The following LRP1B variants were observed in gnomAD, a reference collection of about 807,000 sequenced individuals.
LRP1B encodes the protein low-density lipoprotein receptor-related protein 1B.
A neutral mutation model predicts 556.6 loss-of-function variants in LRP1B; 217 were observed. The ratio of observed to expected loss-of-function variants is 0.39; its 90% confidence interval spans 0.35 to 0.44. LRP1B has a LOEUF of 0.44. Among genes scored for constraint, LRP1B ranks in the 20% least tolerant of loss-of-function variants. The probability of loss-of-function intolerance (pLI) is 1.00; values close to 1 mark genes in which losing one functional copy is unlikely to be tolerated. For synonymous variants in LRP1B, 2,047 were observed against 1,865.8 expected (o/e 1.10, Z -2.50); for missense variants, 5,053 against 5,620.8 (o/e 0.90, Z 3.23).
At chr2:141,682,421 A>G (rs1691138617) in intron 2 of LRP1B, among the ~76,000 whole-genome samples, 2 of 152,078 alleles carry the variant, frequency 1.3e-5, no homozygotes, top group Admixed American at 1.3e-4. Flanking sequence ...TAATACTAAC[A>G]ATTGGCCTGA....
At chr2:142,060,367 C>A (rs1704860827) in intron 1 of LRP1B, among the ~76,000 whole-genome samples, 1 of 151,978 alleles carries the variant, frequency 6.6e-6, no homozygotes, top group Non-Finnish European at 1.5e-5. Flanking sequence ...AGGTTAAATG[C>A]AAGAACCTCA....
chr2:141,810,080 T>C (rs1419342959), intron 2 of LRP1B, among the ~76,000 whole-genome samples, 199 bp downstream of exon 2: 4 of 135,840 alleles, frequency 2.9e-5, no homozygotes. Context: ...TTCAAGTTTC[T>C]TAGGCTATTT....
chr2:140,635,046 T>C (rs1241810095), intron 41 of LRP1B, among the ~76,000 whole-genome samples: 28 of 152,116 alleles, frequency 1.8e-4, no homozygotes, highest in Admixed American at 1.8e-3. Flanking sequence ...GTATGAGATA[T>C]ATGAAGCCTC....
intron 1 of LRP1B, among the ~76,000 whole-genome samples, chr2:141,957,383 T>TG (rs70994470): frequency 1.0e-4 from 6 of 58,468 alleles, no homozygotes; most frequent in African/African-American, 4.2e-4. Flanking sequence ...TTTGTGTGTG[T>TG]GGGGGGGGGG....
chr2:140,340,779 G>A (rs1681350823), intron 77 of LRP1B, among the ~76,000 whole-genome samples: 1 of 151,156 alleles, frequency 6.6e-6, no homozygotes, highest in African/African-American at 2.4e-5. Flanking sequence ...ATCGAAACCA[G>A]GCTAACATTC....
At chr2:140,689,697 G>A (rs977707186) in intron 41 of LRP1B, among the ~76,000 whole-genome samples, 1 of 152,156 alleles carries the variant, frequency 6.6e-6, no homozygotes, top group African/African-American at 2.4e-5. Flanking sequence ...GGATGTGTCA[G>A]TTTTCCAGTT....
intron 15 of LRP1B, among the ~76,000 whole-genome samples, chr2:141,002,569 T>TAGAAATAATACCTAATACCTAGAA (rs1361897464): frequency 6.6e-5 from 10 of 152,056 alleles, no homozygotes; most frequent in African/African-American, 2.4e-4. Context: ...CTAGATGACT[T>TAGAAATAATACCTAATACCTAGAA]ATAATACCTA....
intron 1 of LRP1B, among the ~76,000 whole-genome samples, chr2:141,896,600 C>T (rs991287424): frequency 4.6e-5 from 7 of 151,894 alleles, no homozygotes; most frequent in African/African-American, 1.2e-4. Flanking sequence ...AAGTCCACAT[C>T]GATTAAGATG....
intron 84 of LRP1B, among the ~76,000 whole-genome samples, chr2:140,290,661 A>G (rs1344701278): frequency 6.6e-6 from 1 of 152,090 alleles, no homozygotes; most frequent in Non-Finnish European, 1.5e-5. Context: ...GATCATTTTA[A>G]AAGTACTTTG....
At chr2:141,883,902 T>C (rs1699031611) in intron 1 of LRP1B, among the ~76,000 whole-genome samples, 1 of 152,152 alleles carries the variant, frequency 6.6e-6, no homozygotes, top group Admixed American at 6.5e-5. Flanking sequence ...TCCTACCAAA[T>C]CCAAGTTGAT....
chr2:142,079,320 C>A (rs1705626495), intron 1 of LRP1B, among the ~76,000 whole-genome samples: 1 of 151,908 alleles, frequency 6.6e-6, no homozygotes, highest in Admixed American at 6.6e-5. Context: ...TTCTCAATAG[C>A]CTTATGTAAT....
chr2:141,790,556 G>A (rs1008939497), intron 2 of LRP1B, among the ~76,000 whole-genome samples: 8 of 151,626 alleles, frequency 5.3e-5, no homozygotes, highest in African/African-American at 1.7e-4. Flanking sequence ...TTATGTAGTG[G>A]GAATCACCAT....
chr2:141,163,300 G>A (rs759311864), intron 7 of LRP1B, among the ~76,000 whole-genome samples: 21 of 151,922 alleles, frequency 1.4e-4, no homozygotes, highest in Admixed American at 4.6e-4. Context: ...CTTTTTTTCT[G>A]TCAAACAATT....
chr2:141,510,909 C>CACACACACA lies in LRP1B; in HGVS notation c.206-30377_206-30376insTGTGTGTGT, dbSNP rs70994436. 6.1e-3 allele frequency among the ~76,000 whole-genome samples: 842 copies of CACACACACA among 138,998 alleles called. 4 individuals carry two copies. The highest frequency in any genetic ancestry group is 0.011 in the Middle Eastern group (3 of 268). 91.2% of individuals were successfully genotyped at this position (138,998 alleles called of 152,430 possible). A position where few individuals can be genotyped will look rare whatever the true frequency, so the allele number is the denominator to read the frequency against. The stretch of plus-strand genomic sequence containing the variant: ...ACACACACACACACACACACACACA[C>CACACACACA]CCCACACAAACATACACACAAGCTC... On this transcript the variant is annotated intron_variant, in intron 2 of 90. Coordinates refer to ENST00000389484, the MANE Select transcript of LRP1B (RefSeq NM_018557.3).
intron 2 of LRP1B, among the ~76,000 whole-genome samples, chr2:141,630,643 G>A (rs1558766284): frequency 6.6e-6 from 1 of 152,166 alleles, no homozygotes; most frequent in Non-Finnish European, 1.5e-5. Flanking sequence ...TCGATGGTTT[G>A]ACTTCTCAAA....
At chr2:140,403,525 C>A (rs186509942) in intron 66 of LRP1B, among the ~76,000 whole-genome samples, 20 of 152,092 alleles carry the variant, frequency 1.3e-4, no homozygotes, top group Non-Finnish European at 2.9e-4. Flanking sequence ...GAAGAAGGAA[C>A]TTCAGAGCTT....
intron 43 of LRP1B, among the ~76,000 whole-genome samples, chr2:140,550,406 A>G (rs1160165675): frequency 6.6e-6 from 1 of 152,166 alleles, no homozygotes; most frequent in Non-Finnish European, 1.5e-5. Flanking sequence ...TAACCTGAAA[A>G]AAGCAAATAT....
At chr2:140,238,455 T>C (rs1192588996) in intron 88 of LRP1B, among the ~76,000 whole-genome samples, 159 bp from the exon 89 acceptor site, 2 of 151,002 alleles carry the variant, frequency 1.3e-5, no homozygotes, top group East Asian at 1.9e-4. Flanking sequence ...ATTGATAGGC[T>C]GTTTTCCCAG....
Position 140,336,894 on chromosome 2 carries a change from T to C in LRP1B, c.11893-1056A>G, listed in dbSNP as rs528388632. Reference sequence around the variant, plus strand: ...TTGTGCATAACCAAAAGTGAGAAGGTATTCCCAGGGGTATTATGGCAAGAG... The same window carrying C: ...TTGTGCATAACCAAAAGTGAGAAGGCATTCCCAGGGGTATTATGGCAAGAG... On this transcript the variant is annotated intron_variant, in intron 77 of 90. Transcript: ENST00000389484. Among the ~76,000 whole-genome samples the C allele has an allele frequency of 2.0e-5, 3 of 151,846 alleles. No individual in the cohort carries two copies. In the South Asian group the frequency reaches 6.2e-4, roughly 31 times the overall value.
Sources: allele counts gnomAD v4.1 joint callset (sites outside exome capture counted in the v4.1 genomes callset), GRCh38; gene constraint gnomAD v4.1.1; transcripts MANE v1.5; gene names NCBI Gene and HGNC (gene_info 2026-07-23, HGNC 2026-07-21).